The following FANCC variants were observed in gnomAD, a reference collection of about 807,000 sequenced individuals.
The protein encoded by FANCC is FA complementation group C.
In FANCC, 55 loss-of-function variants were observed where a neutral mutation model predicts 71.3. The observed-to-expected ratio is 0.77, with a 90% CI of 0.62 to 0.97. The LOEUF is 0.97. Ranked by LOEUF, FANCC falls within the 50% of genes least tolerant of loss-of-function variation. The pLI, the probability that FANCC is intolerant of heterozygous loss-of-function variation, is 0.00. For synonymous variants in FANCC, 275 were observed against 244.9 expected, an observed-to-expected ratio of 1.12 and a Z score of -1.15; for missense variants, 678 against 670.9, an observed-to-expected ratio of 1.01 and a Z score of -0.12.
chr9:95,241,511 A>C (rs1830625784), intron 3 of FANCC, among the ~76,000 whole-genome samples: 1 of 152,168 alleles, frequency 6.6e-6, no homozygotes, highest in South Asian at 2.1e-4. Flanking sequence ...ATTAAGAAAC[A>C]AAAATGGGGC....
At chr9:95,275,599 G>A (rs1203246800) in intron 1 of FANCC, among the ~76,000 whole-genome samples, 6 of 152,132 alleles carry the variant, frequency 3.9e-5, no homozygotes, top group African/African-American at 7.2e-5. Context: ...GGGGCATGGG[G>A]TATAGAGGAA....
intron 10 of FANCC, among the ~76,000 whole-genome samples, chr9:95,124,718 A>G (rs1308153160): frequency 6.6e-6 from 1 of 152,218 alleles, no homozygotes; most frequent in Admixed American, 6.5e-5. Flanking sequence ...CATGCCATAT[A>G]GACCCCAGGG....
At chr9:95,185,339 A>T (rs1826647905) in intron 4 of FANCC, among the ~76,000 whole-genome samples, 1 of 152,210 alleles carries the variant, frequency 6.6e-6, no homozygotes, top group African/African-American at 2.4e-5. Flanking sequence ...AGGCATGTTT[A>T]AGTTAATTTA....
At position 95,264,694 on chromosome 9, in the gene FANCC, A is replaced by ACAT. The variant is rs535566869; in HGVS notation, c.-78-15326_-78-15325insATG. 2.4e-4 allele frequency among the ~76,000 whole-genome samples: 37 copies of ACAT among 152,256 alleles called. No individual in the cohort carries two copies. In the East Asian group the frequency reaches 7.1e-3, roughly 29 times the overall value. On this transcript the variant is annotated intron_variant, in intron 1 of 14. Coordinates refer to ENST00000289081, the MANE Select transcript of FANCC (RefSeq NM_000136.3). The stretch of plus-strand genomic sequence containing the variant: ...AGATGTATGGAGAGAATGCTACAAA[A>ACAT]CACACTAATTATGGAAAAAGAAAAA...
chr9:95,173,426 ATATAT>A (rs1825819276), intron 4 of FANCC, among the ~76,000 whole-genome samples: 1 of 152,242 alleles, frequency 6.6e-6, no homozygotes, highest in Admixed American at 6.5e-5. Flanking sequence ...CTTGAAAAAA[ATATAT>A]TAAATGTCTT....
intron 7 of FANCC, among the ~76,000 whole-genome samples, chr9:95,149,033 G>C (rs767059198): frequency 6.6e-6 from 1 of 151,716 alleles, no homozygotes; most frequent in Non-Finnish European, 1.5e-5. Context: ...TAGAAAATGA[G>C]ACTTGCAAAA....
chr9:95,121,899 C>T (rs1169468474), intron 10 of FANCC, among the ~76,000 whole-genome samples: 1 of 151,180 alleles, frequency 6.6e-6, no homozygotes, highest in Non-Finnish European at 1.5e-5. Flanking sequence ...GCTCTGTCGC[C>T]CAGGCTGGAG....
rs112916749 is a variant in FANCC, at chr9:95,103,629, A to G, written c.1534-1779T>C. Among the ~76,000 whole-genome samples, 460 of 152,326 alleles carry G rather than the reference A, an allele frequency of 3.0e-3. 3 individuals are homozygous for G. The highest frequency in any genetic ancestry group is 0.011 in the African/African-American group (440 of 41,578). On this transcript the variant is annotated intron_variant, in intron 14 of 14. Coordinates refer to ENST00000289081, the MANE Select transcript of FANCC (RefSeq NM_000136.3). ...AGTGCCTGGCGAGAGGCCAGGAGCCAGAGAGGCAGGAGAACCGCAGGGACG... is the reference window on the plus strand; with the variant it reads ...AGTGCCTGGCGAGAGGCCAGGAGCCGGAGAGGCAGGAGAACCGCAGGGACG...
At chr9:95,151,933 A>C (rs949158427) in intron 6 of FANCC, among the ~76,000 whole-genome samples, 9 of 151,958 alleles carry the variant, frequency 5.9e-5, no homozygotes, top group African/African-American at 1.9e-4. Flanking sequence ...GTCTCAAAAA[A>C]AAAAAAACAA....
chr9:95,148,276 G>A (rs1366724519), intron 7 of FANCC, among the ~76,000 whole-genome samples: 3 of 152,112 alleles, frequency 2.0e-5, no homozygotes, highest in East Asian at 1.9e-4. Flanking sequence ...AAAAAAAGAC[G>A]GTTGCCTGGA....
At chr9:95,126,402 C>T in intron 9 of FANCC, 127 bp downstream of exon 9, 1 of 928,848 alleles carries the variant, frequency 1.1e-6, no homozygotes, top group Non-Finnish European at 1.7e-6. Flanking sequence ...CTCAGAGGAA[C>T]AGGAGGGAAT....
At chr9:95,199,263 T>C (rs1676986068) in intron 4 of FANCC, among the ~76,000 whole-genome samples, 1 of 151,954 alleles carries the variant, frequency 6.6e-6, no homozygotes, top group Non-Finnish European at 1.5e-5. Flanking sequence ...CTTAAAATCC[T>C]TTCCTCCTGC....
At chr9:95,105,676 G>C (rs944085060) in intron 14 of FANCC, among the ~76,000 whole-genome samples, 1 of 152,136 alleles carries the variant, frequency 6.6e-6, no homozygotes, top group African/African-American at 2.4e-5. Flanking sequence ...GGAAACTCTA[G>C]CACTTCCTCT....
intron 4 of FANCC, among the ~76,000 whole-genome samples, chr9:95,175,365 G>A (rs1330960617): frequency 6.6e-6 from 1 of 152,150 alleles, no homozygotes; most frequent in African/African-American, 2.4e-5. Context: ...TGAATCCACT[G>A]GAAAGGGGTA....
At chr9:95,299,774 T>A (rs961729898) in intron 1 of FANCC, among the ~76,000 whole-genome samples, 3 of 152,024 alleles carry the variant, frequency 2.0e-5, no homozygotes, top group Admixed American at 6.6e-5. Context: ...GGTGGGAGAA[T>A]TGTTTAAGCC....
intron 1 of FANCC, among the ~76,000 whole-genome samples, chr9:95,254,379 C>T (rs1422790219): frequency 1.3e-5 from 2 of 152,194 alleles, no homozygotes; most frequent in Non-Finnish European, 2.9e-5. Context: ...CTGAGGTACC[C>T]GGCTCATCTC....
intron 6 of FANCC, among the ~76,000 whole-genome samples, chr9:95,161,085 C>T (rs961577520): frequency 4.8e-4 from 73 of 152,090 alleles, no homozygotes; most frequent in African/African-American, 1.7e-3. Context: ...AAGGAAAATA[C>T]CACAGCCCTA....
At chr9:95,286,734 G>A (rs759251500) in intron 1 of FANCC, among the ~76,000 whole-genome samples, 25 of 152,284 alleles carry the variant, frequency 1.6e-4, no homozygotes, top group Non-Finnish European at 1.5e-4. Flanking sequence ...GAAAAGGGGA[G>A]CATCATCAGA....
rs190925189 is a variant in FANCC at position 95,172,076 on chromosome 9, C to A, written c.417G>T (p.Gly139=). 2.5e-6 allele frequency: 4 copies of A among 1,612,982 alleles called. No individual in the cohort carries two copies. Among genetic ancestry groups the A allele is most frequent in the Non-Finnish European group, 3.4e-6 (4 of 1,179,182 alleles). ...CAGGATAGTAATCTATAGGTGCATACCCAAGACCTTGAGTGAAAAGAGCAA... is the reference window on the plus strand; with the variant it reads ...CAGGATAGTAATCTATAGGTGCATAACCAAGACCTTGAGTGAAAAGAGCAA... ...KEVALFTQGL[G]YAPIDYYPGL... The change falls in exon 5 of 15, where the codon GGG becomes GGT. Residue 139 remains glycine (G), a synonymous_variant. Coordinates refer to ENST00000289081, the MANE Select transcript of FANCC (RefSeq NM_000136.3).
Sources: allele counts gnomAD v4.1 joint callset (sites outside exome capture counted in the v4.1 genomes callset), GRCh38; gene constraint gnomAD v4.1.1; transcripts MANE v1.5; gene names NCBI Gene and HGNC (gene_info 2026-07-23, HGNC 2026-07-21).